Variants in NFRKB observed in about 807,000 individuals in gnomAD.
NFRKB encodes the protein nuclear factor related to kappa-B-binding protein.
A neutral mutation model predicts 135.7 loss-of-function variants in NFRKB; 62 were observed. The ratio of observed to expected loss-of-function variants is 0.46; its 90% CI spans 0.37 to 0.56. NFRKB has a LOEUF of 0.56. Ranked by LOEUF, NFRKB falls within the 20% of genes least tolerant of loss-of-function variation. The pLI, the probability that NFRKB is intolerant of heterozygous loss-of-function variation, is 0.00. For missense variants in NFRKB, 1,545 were observed against 1,662.0 expected (o/e 0.93, Z 1.22); for synonymous variants, 678 against 635.6 (o/e 1.07, Z -1.00).
intron 16 of NFRKB, 38 bp downstream of exon 16, chr11:129,877,285 TCA>T (rs1948812047): frequency 1.3e-6 from 2 of 1,596,596 alleles, no homozygotes; most frequent in Non-Finnish European, 1.7e-6. Context: ...TCTGCATGGC[TCA>T]CAGAGGCAGA....
At position 129,864,645 on chromosome 11, in the gene NFRKB, CA is replaced by C; in HGVS notation, c.*79del. 6.3e-7 allele frequency: 1 copy of C among 1,593,388 alleles called. No homozygotes were observed. On this transcript the variant is annotated 3_prime_UTR_variant, in exon 27 of 27. Coordinates refer to ENST00000682444, the MANE Select transcript of NFRKB (RefSeq NM_001143835.2). ...CTGCCTTGAACAGGCAAGCTTAAAA[CA>C]ATGATGCAACCTCCCTGGTCCCTTC...
At position 129,877,173 on chromosome 11, in the gene NFRKB, T is replaced by C. The variant is rs73575305; in HGVS notation, c.1572+152A>G. Reference sequence around the variant, plus strand: ...TCTTACTCCCCTTCCCCACACCGTTTCCACCCCCAACAAGTAATCCCAGCC... The same window carrying C: ...TCTTACTCCCCTTCCCCACACCGTTCCCACCCCCAACAAGTAATCCCAGCC... On this transcript the variant is annotated intron_variant, in intron 16 of 26. Coordinates refer to ENST00000682444, the MANE Select transcript of NFRKB (RefSeq NM_001143835.2). 8,260 of 853,470 alleles carry C rather than the reference T, an allele frequency of 9.7e-3. 468 individuals are homozygous for C. The African/African-American group carries it at 0.12, about 12-fold the overall frequency. The allele number at this position is 853,470 out of a possible 1,614,324, so 52.9% of individuals were successfully genotyped here. A position where few individuals can be genotyped will look rare whatever the true frequency, so the allele number is the denominator to read the frequency against.
rs892637774 is a variant in NFRKB, at chr11:129,864,718, C to G, written c.*7G>C. 1.2e-6 allele frequency: 2 copies of G among 1,614,038 alleles called. No homozygotes were observed. The highest frequency in any genetic ancestry group is 1.3e-5 in the African/African-American group (1 of 74,936). ...TGGTCTTTCACGGAAGCCATCCTCT[C>G]TCATAATCATTGTTGCTCAGGTGCC... is the stretch of plus-strand genomic sequence containing the variant. On this transcript the variant is annotated 3_prime_UTR_variant, in exon 27 of 27. Coordinates refer to ENST00000682444, the MANE Select transcript of NFRKB (RefSeq NM_001143835.2).
In NFRKB at chr11:129,878,500, C is replaced by A; in HGVS notation, c.1428G>T (p.Gln476His). The change falls in exon 14 of 27, where the codon CAG (glutamine) becomes CAT (histidine). Residue 476 changes from glutamine to histidine, a missense_variant. By Grantham distance (24) the Gln-to-His change is conservative. Transcript: ENST00000682444. ...DNEKELAALF[Q>H]LWLETKDQAF... ...CCTGATCTTTGGTCTCTAGCCATAGCTGGAAGAGGGCAGCTAATTCCTTTT... is the reference window on the plus strand; with the variant it reads ...CCTGATCTTTGGTCTCTAGCCATAGATGGAAGAGGGCAGCTAATTCCTTTT... The A allele has an allele frequency of 1.9e-6, 3 of 1,614,142 alleles. No individual in the cohort carries two copies. The highest frequency in any genetic ancestry group is 2.5e-6 in the Non-Finnish European group (3 of 1,180,012).
rs546091903 is a variant in NFRKB, at chr11:129,865,768, A to G, written c.3638+109T>C. 432 of 853,746 alleles carry G rather than the reference A, an allele frequency of 5.1e-4. 2 individuals carry two copies. In the African/African-American group the frequency reaches 5.9e-3, roughly 12 times the overall value. The allele number at this position is 853,746 out of a possible 1,614,324, so 52.9% of individuals were successfully genotyped here. A position where few individuals can be genotyped will look rare whatever the true frequency, so the allele number is the denominator to read the frequency against. ...GCACAATAAAGCAGAGGTGTCAAAG[A>G]AGGGCCCCAGAAAGACCAGCCACTT... On this transcript the variant is annotated intron_variant, in intron 25 of 26. Coordinates refer to ENST00000682444, the MANE Select transcript of NFRKB (RefSeq NM_001143835.2).
intron 4 of NFRKB, among the ~76,000 whole-genome samples, chr11:129,887,768 T>C (rs773186053): frequency 8.5e-5 from 13 of 152,228 alleles, no homozygotes; most frequent in Admixed American, 2.0e-4. Context: ...CCGGGTGCGG[T>C]GGCTCACGCC....
chr11:129,877,038 G>C, intron 16 of NFRKB, 143 bp from the exon 17 acceptor site: 1 of 910,058 alleles, frequency 1.1e-6, no homozygotes, highest in South Asian at 1.7e-5. Context: ...GGAATGTTCA[G>C]CCAACCACAG....
intron 4 of NFRKB, among the ~76,000 whole-genome samples, chr11:129,886,646 T>C (rs2293665): frequency 0.38 from 58,288 of 151,976 alleles, 11,628 homozygotes; most frequent in East Asian, 0.47. Context: ...AGGCTGATGA[T>C]CATCACAGCC....
rs567867025 is a variant in NFRKB, at chr11:129,864,595, A to G, written c.*130T>C. On this transcript the variant is annotated 3_prime_UTR_variant, in exon 27 of 27. Transcript: ENST00000682444. ...AGAATCCAGGCCACGAATCCAGGCC[A>G]CCGTTGCCATCACCCCTCGCCTGGC... The G allele has an allele frequency of 7.7e-6, 10 of 1,303,856 alleles. No individual in the cohort carries two copies. The East Asian group carries it at 2.4e-4, about 31-fold the overall frequency. 80.8% of individuals were successfully genotyped at this position (1,303,856 alleles called of 1,614,324 possible). A position where few individuals can be genotyped will look rare whatever the true frequency, so the allele number is the denominator to read the frequency against.
chr11:129,872,967 T>C lies in NFRKB; in HGVS notation c.2680A>G (p.Thr894Ala). 2 of 1,614,194 alleles carry C rather than the reference T, an allele frequency of 1.2e-6. No individual in the cohort carries two copies. Among genetic ancestry groups the C allele is most frequent in the Non-Finnish European group, 1.7e-6 (2 of 1,180,000 alleles). The change falls in exon 23 of 27, where the codon ACG (threonine) becomes GCG (alanine). Residue 894 changes from threonine to alanine, a missense_variant. Physicochemically the swap from Thr to Ala is moderately conservative, Grantham distance 58 (BLOSUM62 0). Coordinates refer to ENST00000682444, the MANE Select transcript of NFRKB (RefSeq NM_001143835.2). ...ATASPVSKPATSSPGTSAPSA... is the reference protein window; with the variant it reads ...ATASPVSKPAASSPGTSAPSA... ...GGAGCAGAGGTCCCAGGAGAACTCG[T>C]GGCTGGCTTACTCACAGGGCTGGCT...
Position 129,870,186 on chromosome 11 carries a change from T to C in NFRKB, c.2839A>G (p.Ile947Val). ...SIPLTATNFR[I>V]QGKDVLRLPP... ...AGACGCAATACATCCTTACCCTGGA[T>C]GCGGAAGTTAGTGGCTGTGAGTGGA... Residue 947 changes from isoleucine (I) to valine (V), a missense_variant, in exon 24 of 27, where the codon ATC becomes GTC. Transcript: ENST00000682444. 6.2e-7 allele frequency: 1 copy of C among 1,614,218 alleles called. No individual in the cohort carries two copies. The highest frequency in any genetic ancestry group is 1.1e-5 in the South Asian group (1 of 91,086).
Position 129,882,451 on chromosome 11 carries a change from TCTTC to T in NFRKB, c.1078_1081del (p.Glu360SerfsTer24). 1 of 1,612,850 alleles carries T rather than the reference TCTTC, an allele frequency of 6.2e-7. No homozygotes were observed. The highest frequency in any genetic ancestry group is 8.5e-7 in the Non-Finnish European group (1 of 1,179,578). The stretch of plus-strand genomic sequence containing the variant: ...TACAGAATCTCTGTTGCTCACTTAC[TCTTC>T]CTTGATAGCAGGAATTGCCAGCGGA... On this transcript the variant is annotated frameshift_variant and splice_region_variant, in exon 10 of 27. Transcript: ENST00000682444. LOFTEE classifies it high-confidence loss of function.
Position 129,863,772 on chromosome 11 carries a change from G to T in NFRKB, c.*953C>A, listed in dbSNP as rs1307613700. 1.3e-5 allele frequency: 2 copies of T among 152,250 alleles called. No individual in the cohort carries two copies. The highest frequency in any genetic ancestry group is 6.5e-5 in the Admixed American group (1 of 15,282). The allele number at this position is 152,250 out of a possible 1,614,324, so 9.4% of individuals were successfully genotyped here. On this transcript the variant is annotated 3_prime_UTR_variant, in exon 27 of 27. Coordinates refer to ENST00000682444, the MANE Select transcript of NFRKB (RefSeq NM_001143835.2). Reference sequence around the variant, plus strand: ...CCACAGATAATACAAACACAAATTGGTCTGGGCTGTGTTCCAATAAAACTT... The same window carrying T: ...CCACAGATAATACAAACACAAATTGTTCTGGGCTGTGTTCCAATAAAACTT...
intron 16 of NFRKB, 30 bp downstream of exon 16, chr11:129,877,295 A>G (rs963274370): frequency 1.9e-5 from 31 of 1,611,198 alleles, no homozygotes; most frequent in Non-Finnish European, 2.6e-5. Context: ...TCACAGAGGC[A>G]GAGACTTACA....
At chr11:129,878,378 C>T (rs370112624) in intron 14 of NFRKB, 23 bp from the exon 15 acceptor site, 3 of 1,613,944 alleles carry the variant, frequency 1.9e-6, no homozygotes, top group African/African-American at 2.7e-5. Flanking sequence ...AAAACGTTGA[C>T]AGGTAAATGG....
chr11:129,865,627 G>C (rs1948152719), intron 25 of NFRKB, among the ~76,000 whole-genome samples: 1 of 152,186 alleles, frequency 6.6e-6, no homozygotes. Flanking sequence ...CACGCATGTT[G>C]CTTTTTTATT....
chr11:129,884,637 T>C (rs2135667180), intron 7 of NFRKB, 108 bp downstream of exon 7: 6 of 1,311,494 alleles, frequency 4.6e-6, no homozygotes, highest in Non-Finnish European at 6.4e-6. Context: ...TAGGGAGTTT[T>C]GTTTTCCTGG....
intron 3 of NFRKB, among the ~76,000 whole-genome samples, chr11:129,891,291 G>T (rs7927249): frequency 0.047 from 7,166 of 152,178 alleles, 576 homozygotes; most frequent in African/African-American, 0.16. Context: ...ACCAATACGC[G>T]CTGAATCTAA....
chr11:129,867,249 C>G (rs1443549868), intron 24 of NFRKB, among the ~76,000 whole-genome samples: 2 of 150,890 alleles, frequency 1.3e-5, no homozygotes, highest in Non-Finnish European at 3.0e-5. Flanking sequence ...TCAAAAGAAA[C>G]AAAAGTGGAT....
Sources: gnomAD v4.1 joint callset for allele counts (sites outside exome capture counted in the v4.1 genomes callset) on GRCh38, gnomAD v4.1.1 for gene constraint, MANE v1.5 for transcripts, NCBI Gene and HGNC (gene_info 2026-07-23, HGNC 2026-07-21) for gene names.